Variants in COA1 observed in about 807,000 individuals in gnomAD.
The protein encoded by COA1 is cytochrome c oxidase assembly factor 1, also known as cytochrome c oxidase assembly factor 1 homolog.
In COA1, 13 loss-of-function variants were observed where a neutral mutation model predicts 16.0. The observed-to-expected ratio is 0.81, with a 90% CI of 0.53 to 1.29. The LOEUF (loss-of-function observed/expected upper bound fraction) is 1.29, where lower values mean the gene tolerates loss of function less well. Among genes scored for constraint, COA1 ranks in the 50% most tolerant of loss-of-function variants. COA1 has a pLI of 0.00. For synonymous variants in COA1, 65 were observed against 65.7 expected, an observed-to-expected ratio of 0.99 and a Z score of 0.05; for missense variants, 179 against 177.0, an observed-to-expected ratio of 1.01 and a Z score of -0.06.
intron 1 of COA1, among the ~76,000 whole-genome samples, chr7:43,660,751 C>A (rs1052921860): frequency 6.6e-6 from 1 of 152,124 alleles, no homozygotes; most frequent in Non-Finnish European, 1.5e-5. Context: ...TCCAAATGCC[C>A]TAATTTGGCC....
chr7:43,610,042 T>C (rs2082709929), intron 6 of COA1, among the ~76,000 whole-genome samples: 1 of 152,242 alleles, frequency 6.6e-6, no homozygotes. Flanking sequence ...CAGGGGCCAC[T>C]TTAAGAATTG....
chr7:43,623,592 G>T, intron 6 of COA1: 1 of 1,609,972 alleles, frequency 6.2e-7, no homozygotes, highest in South Asian at 1.1e-5. Flanking sequence ...TCTTAGTTAT[G>T]ATCCTATAAG....
chr7:43,713,625 C>A (rs1402499670), intron 1 of COA1, among the ~76,000 whole-genome samples: 2 of 152,104 alleles, frequency 1.3e-5, no homozygotes, highest in African/African-American at 4.8e-5. Context: ...TTTTCCCCTG[C>A]AAAGTCTGTA....
At chr7:43,631,248 G>C (rs2085144869) in intron 6 of COA1, 1 of 152,096 alleles carries the variant, frequency 6.6e-6, no homozygotes, top group Non-Finnish European at 1.5e-5. Flanking sequence ...TTTGTTTTGA[G>C]GCAGTCTTGC....
chr7:43,651,430 A>C (rs2090754265), intron 1 of COA1, among the ~76,000 whole-genome samples: 1 of 152,136 alleles, frequency 6.6e-6, no homozygotes, highest in African/African-American at 2.4e-5. Flanking sequence ...TAGTTTATAA[A>C]CCTTTTCCAA....
At chr7:43,691,361 GAGGGAGGGAGGGAGGGAGGA>G (rs1193891186) in intron 1 of COA1, among the ~76,000 whole-genome samples, 749 of 65,848 alleles carry the variant, frequency 0.011, 21 homozygotes, top group East Asian at 0.057. Context: ...GGGAGGGAGG[GAGGGAGGGAGGGAGGGAGGA>G]AGGAAGGAAG....
At chr7:43,691,714 G>C (rs1424938081) in intron 1 of COA1, among the ~76,000 whole-genome samples, 1 of 152,152 alleles carries the variant, frequency 6.6e-6, no homozygotes, top group Non-Finnish European at 1.5e-5. Flanking sequence ...ACAGAAAAAA[G>C]TCTCTCTGTG....
intron 1 of COA1, among the ~76,000 whole-genome samples, chr7:43,709,599 T>C (rs756904654): frequency 5.9e-5 from 9 of 152,218 alleles, no homozygotes; most frequent in Non-Finnish European, 1.0e-4. Context: ...ATTTCTGTAT[T>C]ACTTATTCTG....
At chr7:43,609,731 C>T (rs1211733297) in intron 6 of COA1, 4 of 152,232 alleles carry the variant, frequency 2.6e-5, no homozygotes, top group African/African-American at 9.6e-5. Flanking sequence ...GATGGCCTTA[C>T]TGGCCAGAGG....
intron 4 of COA1, among the ~76,000 whole-genome samples, chr7:43,642,801 T>C (rs951924176): frequency 6.6e-6 from 1 of 152,166 alleles, no homozygotes; most frequent in Non-Finnish European, 1.5e-5. Flanking sequence ...ACACACATAC[T>C]TGGGAAAAAA....
At position 43,709,035 on chromosome 7, in the gene COA1, T is replaced by A. The variant is rs2095110884; in HGVS notation, c.-39+20394A>T. 4.6e-5 allele frequency among the ~76,000 whole-genome samples: 7 copies of A among 151,980 alleles called. No individual in the cohort carries two copies. In the South Asian group the frequency reaches 1.5e-3, roughly 32 times the overall value. The stretch of plus-strand genomic sequence containing the variant: ...ATATTATCTCCTATAATCTTTTTTT[T>A]TTTTTTGAGACAGAGTCTCATTCTC... On this transcript the variant is annotated intron_variant, in intron 1 of 5. Coordinates refer to ENST00000223336, the MANE Select transcript of COA1 (RefSeq NM_018224.4).
chr7:43,614,517 G>T (rs1031709184), intron 6 of COA1, among the ~76,000 whole-genome samples: 1 of 152,136 alleles, frequency 6.6e-6, no homozygotes, highest in Non-Finnish European at 1.5e-5. Context: ...TTTCACCATC[G>T]AAGAACTAAC....
chr7:43,674,967 T>C (rs1267427721), intron 1 of COA1, among the ~76,000 whole-genome samples: 1 of 152,214 alleles, frequency 6.6e-6, no homozygotes, highest in Non-Finnish European at 1.5e-5. Flanking sequence ...TCAACAGATA[T>C]TACACTTTGT....
intron 6 of COA1, chr7:43,619,754 G>T: frequency 6.2e-7 from 1 of 1,608,274 alleles, no homozygotes. Context: ...TTTTGTTCTG[G>T]GGTCAGGCAT....
At chr7:43,633,172 A>C (rs2085338392) in intron 6 of COA1, 1 of 152,224 alleles carries the variant, frequency 6.6e-6, no homozygotes, top group African/African-American at 2.4e-5. Context: ...TAGTGTAGCC[A>C]CTTTCATCGA....
At chr7:43,627,940 C>G (rs1483903596) in intron 6 of COA1, among the ~76,000 whole-genome samples, 5 of 152,110 alleles carry the variant, frequency 3.3e-5, no homozygotes, top group Admixed American at 1.3e-4. Flanking sequence ...TGAGATTCAT[C>G]TATGTCGATG....
intron 1 of COA1, among the ~76,000 whole-genome samples, chr7:43,720,878 T>C (rs2095493468): frequency 6.6e-6 from 1 of 152,268 alleles, no homozygotes; most frequent in South Asian, 2.1e-4. Context: ...ACAAGCTTCC[T>C]CTTCATCATT....
At chr7:43,727,174 TCAC>T (rs1034605683) in intron 1 of COA1, among the ~76,000 whole-genome samples, 2 of 152,172 alleles carry the variant, frequency 1.3e-5, no homozygotes, top group African/African-American at 4.8e-5. Context: ...GACACACACT[TCAC>T]ACCCACTGGA....
chr7:43,691,270 AAAGAAAG>A (rs536140425), intron 1 of COA1, among the ~76,000 whole-genome samples: 4,187 of 76,044 alleles, frequency 0.055, 330 homozygotes, highest in African/African-American at 0.11. Flanking sequence ...GAAAGAAAAG[AAAGAAAG>A]AAAGAAAGAA....
Sources: allele counts gnomAD v4.1 joint callset (sites outside exome capture counted in the v4.1 genomes callset), GRCh38; gene constraint gnomAD v4.1.1; transcripts MANE v1.5; gene names NCBI Gene and HGNC (gene_info 2026-07-23, HGNC 2026-07-21).